Variants in CCDC57 observed in about 807,000 individuals in gnomAD.
CCDC57 encodes coiled-coil domain containing 57.
In CCDC57, 118 loss-of-function variants were observed where a neutral mutation model predicts 118.9. The observed-to-expected ratio is 0.99, with a 90% CI of 0.86 to 1.16. CCDC57 has a LOEUF of 1.16. CCDC57 is among the 50% of genes most tolerant of loss of function. The probability of loss-of-function intolerance (pLI) is 0.00; values close to 1 mark genes in which losing one functional copy is unlikely to be tolerated. For missense variants in CCDC57, 1,300 were observed against 1,320.7 expected, an observed-to-expected ratio of 0.98 and a Z score of 0.24; for synonymous variants, 527 against 532.9, an observed-to-expected ratio of 0.99 and a Z score of 0.15.
At chr17:82,164,500 T>C (rs2043744818) in intron 13 of CCDC57, among the ~76,000 whole-genome samples, 2 of 152,064 alleles carry the variant, frequency 1.3e-5, no homozygotes, top group Admixed American at 6.6e-5. Flanking sequence ...ATCAACAAAA[T>C]CAACAGTTGA....
At chr17:82,152,504 T>C (rs567803781) in intron 15 of CCDC57, among the ~76,000 whole-genome samples, 186 of 152,342 alleles carry the variant, frequency 1.2e-3, no homozygotes, top group Non-Finnish European at 1.0e-3. Flanking sequence ...AAGCACTGTG[T>C]TGTCCTCACT....
At chr17:82,189,191 G>A (rs569783609) in intron 7 of CCDC57, among the ~76,000 whole-genome samples, 67 of 152,132 alleles carry the variant, frequency 4.4e-4, no homozygotes, top group African/African-American at 1.3e-3. Context: ...CCACCGGAGC[G>A]TGGGAGGTCG....
At chr17:82,134,339 G>T in intron 16 of CCDC57, 145 bp from the exon 16 acceptor site, 2 of 702,978 alleles carry the variant, frequency 2.8e-6, no homozygotes, top group Non-Finnish European at 4.0e-6. Flanking sequence ...GGGGAGGGCC[G>T]GACAACAGTG....
chr17:82,107,475 C>T (rs368281184), intron 19 of CCDC57: 321 of 470,430 alleles, frequency 6.8e-4, no homozygotes, highest in African/African-American at 5.3e-3. Flanking sequence ...GCACACGGGG[C>T]GAGGTTAGCA....
intron 9 of CCDC57, among the ~76,000 whole-genome samples, chr17:82,181,715 A>G (rs1371669005): frequency 6.6e-6 from 1 of 152,278 alleles, no homozygotes; most frequent in African/African-American, 2.4e-5. Flanking sequence ...AACCGTGCAC[A>G]TAATGAGGAG....
chr17:82,107,369 G>A (rs748557571), intron 19 of CCDC57: 5 of 342,364 alleles, frequency 1.5e-5, no homozygotes, highest in South Asian at 6.5e-5. Context: ...CAGATGCCGC[G>A]GGAGTGGGGA....
chr17:82,129,462 T>G (rs970430279), intron 17 of CCDC57, among the ~76,000 whole-genome samples: 5 of 152,212 alleles, frequency 3.3e-5, no homozygotes, highest in Non-Finnish European at 7.3e-5. Context: ...GCCCTGCCCC[T>G]TCCCAGGCAC....
intron 8 of CCDC57, 86 bp from the exon 8 acceptor site, chr17:82,184,018 C>CGT (rs2046552387): frequency 2.6e-5 from 6 of 232,038 alleles, no homozygotes; most frequent in African/African-American, 1.3e-4. Context: ...AATACACATG[C>CGT]GCGCGCGCGC....
chr17:82,195,711 CA>C (rs1029546616), intron 4 of CCDC57, among the ~76,000 whole-genome samples: 33 of 152,204 alleles, frequency 2.2e-4, no homozygotes, highest in Admixed American at 6.5e-4. Flanking sequence ...CAAAACAAGA[CA>C]AGAAATCAGA....
Position 82,201,537 on chromosome 17 carries a change from C to T in CCDC57, c.407+1G>A, listed in dbSNP as rs1185094702. On this transcript the variant is annotated splice_donor_variant, in intron 3 of 19. Transcript: ENST00000665763. LOFTEE classifies it high-confidence loss of function. The stretch of plus-strand genomic sequence containing the variant: ...GGAGGGCGCGTCGGTCGGTGGCTCA[C>T]CTGTGGACGCGCTCCAGCTCCAGGC... The T allele has an allele frequency of 1.3e-6, 2 of 1,598,414 alleles. No homozygotes were observed. The highest frequency in any genetic ancestry group is 3.4e-5 in the Admixed American group (2 of 58,804).
At chr17:82,136,515 T>C (rs1598806861) in intron 16 of CCDC57, among the ~76,000 whole-genome samples, 1 of 150,950 alleles carries the variant, frequency 6.6e-6, no homozygotes, top group Non-Finnish European at 1.5e-5. Flanking sequence ...ACGTGCTTAA[T>C]GCACTGAACT....
rs1452651774 is a variant in CCDC57 at position 82,118,650 on chromosome 17, G to T, written c.2899+9042C>A. Among the ~76,000 whole-genome samples, 1 of 152,084 alleles carries T rather than the reference G, an allele frequency of 6.6e-6. No individual in the cohort carries two copies. The highest frequency in any genetic ancestry group is 1.5e-5 in the Non-Finnish European group (1 of 68,008). ...CTTCAGAAGCAGGTATTTCTTTGGG[G>T]TGAGGTCAGACATCTGCCTGGGTGC... On this transcript the variant is annotated intron_variant, in intron 19 of 19. Transcript: ENST00000665763. The surrounding 1 kb of genome is among the most constrained non-coding windows in gnomAD (Gnocchi z 4.7).
chr17:82,165,665 G>A (rs1258821017), intron 13 of CCDC57, among the ~76,000 whole-genome samples: 1 of 152,146 alleles, frequency 6.6e-6, no homozygotes, highest in Non-Finnish European at 1.5e-5. Context: ...GGTCACAGGA[G>A]GAAGGAGGTC....
chr17:82,185,551 G>A (rs1271193354), intron 8 of CCDC57, among the ~76,000 whole-genome samples: 3 of 151,870 alleles, frequency 2.0e-5, no homozygotes, highest in Admixed American at 2.0e-4. Flanking sequence ...CCCAGGAGGT[G>A]TAGGCTGCAG....
chr17:82,209,913 G>C (rs1051072558), intron 1 of CCDC57, among the ~76,000 whole-genome samples: 1 of 152,140 alleles, frequency 6.6e-6, no homozygotes, highest in Non-Finnish European at 1.5e-5. Context: ...GTAGCAATAT[G>C]TCTATCTGGT....
chr17:82,188,345 T>C, exon 8 of CCDC57: 1 of 1,610,448 alleles, frequency 6.2e-7, no homozygotes, highest in South Asian at 1.1e-5. Context: ...CTCCTGCAGC[T>C]GCTCCACGTG....
In CCDC57 at chr17:82,192,199, G is replaced by A. The variant is rs1335721275; in HGVS notation, c.851+1557C>T. On this transcript the variant is annotated intron_variant, in intron 7 of 19. Transcript: ENST00000665763. This position sits in a 1 kb window ranked among gnomAD's most constrained non-coding sequence, Gnocchi z 4.0. ...GGGGTTTCACCATGTTGGTCAGGCT[G>A]GTCTCAAACTCCTGACCTCAAGTGA... is the stretch of plus-strand genomic sequence containing the variant. Among the ~76,000 whole-genome samples, 1 of 152,000 alleles carries A rather than the reference G, an allele frequency of 6.6e-6. No homozygotes were observed. Among genetic ancestry groups the A allele is most frequent in the Non-Finnish European group, 1.5e-5 (1 of 68,004 alleles).
At chr17:82,143,094 G>A (rs865776967) in intron 16 of CCDC57, among the ~76,000 whole-genome samples, 3 of 151,924 alleles carry the variant, frequency 2.0e-5, no homozygotes, top group African/African-American at 4.8e-5. Context: ...CCCATGAGGC[G>A]GAGGTTGTAG....
At chr17:82,203,289 G>A (rs2049214636) in intron 2 of CCDC57, among the ~76,000 whole-genome samples, 1 of 152,170 alleles carries the variant, frequency 6.6e-6, no homozygotes, top group Non-Finnish European at 1.5e-5. Context: ...CTCCCCAGAA[G>A]CGGGTGCCAA....
Sources: allele counts gnomAD v4.1 joint callset (sites outside exome capture counted in the v4.1 genomes callset), GRCh38; gene constraint gnomAD v4.1.1; non-coding constraint Gnocchi (gnomAD v3.1); transcripts MANE v1.5; gene names NCBI Gene and HGNC (gene_info 2026-07-23, HGNC 2026-07-21).